Variants in KAT2B observed in about 807,000 individuals in gnomAD.
The protein encoded by KAT2B is histone acetyltransferase KAT2B.
A neutral mutation model predicts 105.9 loss-of-function variants in KAT2B; 36 were observed. The observed-to-expected ratio is 0.34, with a 90% CI of 0.26 to 0.45. The LOEUF (loss-of-function observed/expected upper bound fraction) is 0.45, where lower values mean the gene tolerates loss of function less well. Among genes scored for constraint, KAT2B ranks in the 20% least tolerant of loss-of-function variants. The pLI, the probability that KAT2B is intolerant of heterozygous loss-of-function variation, is 1.00. For synonymous variants in KAT2B, 397 were observed against 377.9 expected (o/e 1.05, Z -0.59); for missense variants, 820 against 1,021.6 (o/e 0.80, Z 2.69).
chr3:20,144,380 CTGG>C (rs1354134769), intron 13 of KAT2B, among the ~76,000 whole-genome samples: 1 of 145,196 alleles, frequency 6.9e-6, no homozygotes, highest in African/African-American at 2.6e-5. Flanking sequence ...GCTCTGCCTC[CTGG>C]GTTCGCACCA....
At chr3:20,062,125 T>TATATAAAATATATA (rs1698128598) in intron 1 of KAT2B, among the ~76,000 whole-genome samples, 1 of 73,958 alleles carries the variant, frequency 1.4e-5, no homozygotes, top group Non-Finnish European at 2.3e-5. Context: ...ATAAAACATA[T>TATATAAAATATATA]ATATATAAAA....
At chr3:20,116,782 T>C (rs1258588643) in intron 7 of KAT2B, among the ~76,000 whole-genome samples, 3 of 152,186 alleles carry the variant, frequency 2.0e-5, no homozygotes, top group Non-Finnish European at 4.4e-5. Flanking sequence ...GTTGGAATTA[T>C]GATCTCCTTT....
In KAT2B at chr3:20,111,542, T is replaced by C. The variant is rs914600476; in HGVS notation, c.852-54T>C. ...CGAGATAAACATAATTGAATATTTCTGATGACCTGGGGGTTTATGGGATAT... is the reference window on the plus strand; with the variant it reads ...CGAGATAAACATAATTGAATATTTCCGATGACCTGGGGGTTTATGGGATAT... On this transcript the variant is annotated intron_variant, in intron 5 of 17. Transcript: ENST00000263754. The C allele has an allele frequency of 4.5e-5, 62 of 1,391,924 alleles. 1 individual carries two copies. The highest frequency in any genetic ancestry group is 5.7e-5 in the Non-Finnish European group (58 of 1,014,906). 86.2% of individuals were successfully genotyped at this position (1,391,924 alleles called of 1,614,324 possible).
chr3:20,047,606 C>CTTTTTTTTTTTT (rs35457765), intron 1 of KAT2B, among the ~76,000 whole-genome samples: 1 of 117,874 alleles, frequency 8.5e-6, no homozygotes, highest in Non-Finnish European at 1.7e-5. Context: ...CCGTGAGTAC[C>CTTTTTTTTTTTT]TTTTTTTTTT....
Position 20,152,363 on chromosome 3 carries a change from T to A in KAT2B, c.2337T>A (p.Asn779Lys). 1 of 1,613,260 alleles carries A rather than the reference T, an allele frequency of 6.2e-7. No individual in the cohort carries two copies. Among genetic ancestry groups the A allele is most frequent in the South Asian group, 1.1e-5 (1 of 91,022 alleles). The change falls in exon 18 of 18, where the codon AAT becomes AAA. Residue 779 changes from asparagine to lysine, a missense_variant. Physicochemically the swap from Asn to Lys is moderately conservative, Grantham distance 94. Coordinates refer to ENST00000263754, the MANE Select transcript of KAT2B (RefSeq NM_003884.5). ...DLKTMSERLK[N>K]RYYVSKKLFM... ...AAACCATGAGTGAACGCCTCAAGAA[T>A]AGGTACTACGTGTCTAAGAAATTAT...
At chr3:20,086,524 T>C (rs980232837) in intron 2 of KAT2B, among the ~76,000 whole-genome samples, 24 of 151,858 alleles carry the variant, frequency 1.6e-4, no homozygotes, top group Non-Finnish European at 5.9e-5. Context: ...TCGCTTAAGC[T>C]CAGGAGGTCA....
intron 1 of KAT2B, among the ~76,000 whole-genome samples, chr3:20,062,013 TTA>T (rs1294226502): frequency 0.015 from 1,081 of 70,168 alleles, 41 homozygotes; most frequent in Non-Finnish European, 0.029. Context: ...ATAATATATA[TTA>T]TATATAAAAC....
intron 2 of KAT2B, among the ~76,000 whole-genome samples, chr3:20,077,038 G>A (rs1185434566): frequency 1.3e-5 from 2 of 152,186 alleles, no homozygotes. Context: ...CTGTGGTTTT[G>A]TGTAGTCTCC....
intron 1 of KAT2B, among the ~76,000 whole-genome samples, chr3:20,050,566 T>C (rs1559510312): frequency 6.6e-6 from 1 of 152,232 alleles, no homozygotes; most frequent in Non-Finnish European, 1.5e-5. Flanking sequence ...TCACTCAACA[T>C]TATGTCTGTC....
intron 11 of KAT2B, 39 bp from the exon 12 acceptor site, chr3:20,136,903 C>T (rs1190945713): frequency 3.7e-6 from 4 of 1,088,068 alleles, no homozygotes; most frequent in African/African-American, 3.1e-5. Flanking sequence ...TTTTTCTCCC[C>T]AGTCTAATGT....
intron 2 of KAT2B, among the ~76,000 whole-genome samples, chr3:20,086,047 G>A (rs1043328723): frequency 3.3e-5 from 5 of 152,008 alleles, no homozygotes; most frequent in African/African-American, 1.2e-4. Flanking sequence ...ACAGTGGATG[G>A]ATCGCTTGAG....
chr3:20,148,137 G>C (rs1699809513), intron 15 of KAT2B, 106 bp from the exon 16 acceptor site: 1 of 1,352,190 alleles, frequency 7.4e-7, no homozygotes, highest in African/African-American at 1.5e-5. Flanking sequence ...AAACATTCTG[G>C]AATGGTTCCA....
chr3:20,106,940 A>G, intron 5 of KAT2B, among the ~76,000 whole-genome samples: 1 of 128,640 alleles, frequency 7.8e-6, no homozygotes. Flanking sequence ...TAGATATAAG[A>G]AATTATTCTG....
chr3:20,059,178 TGAG>T (rs1698052998), intron 1 of KAT2B, among the ~76,000 whole-genome samples: 1 of 151,078 alleles, frequency 6.6e-6, no homozygotes, highest in Admixed American at 6.6e-5. Context: ...TTTGGGAGGC[TGAG>T]GTGGGCAGAT....
rs1313208199 is a variant in KAT2B, at chr3:20,148,484, A to C, written c.2302A>C (p.Met768Leu). The C allele has an allele frequency of 6.3e-7, 1 of 1,585,288 alleles. No homozygotes were observed. Among genetic ancestry groups the C allele is most frequent in the East Asian group, 2.2e-5 (1 of 44,788 alleles). Residue 768 changes from methionine (M) to leucine (L), a missense_variant, in exon 17 of 18, where the codon ATG becomes CTG. This residue lies in a region of KAT2B where 227 missense variants were observed against 292.9 expected (regional missense o/e 0.77). Transcript: ENST00000263754. ...ATATTATGAAGTTATAAGGTTCCCC[A>C]TGGGTAATACCATTAACATTTTCTA... ...PGYYEVIRFPMDLKTMSERLK... is the reference protein window; with the variant it reads ...PGYYEVIRFPLDLKTMSERLK...
chr3:20,045,001 T>A (rs530738453), intron 1 of KAT2B, among the ~76,000 whole-genome samples: 226 of 152,242 alleles, frequency 1.5e-3, no homozygotes, highest in African/African-American at 5.1e-3. Context: ...CAGATATTGA[T>A]AGGATTGGGT....
At chr3:20,112,820 T>A (rs1052025512) in intron 6 of KAT2B, among the ~76,000 whole-genome samples, 24 of 152,226 alleles carry the variant, frequency 1.6e-4, no homozygotes, top group African/African-American at 5.5e-4. Flanking sequence ...CAGATAGTGT[T>A]ATTAGATTAT....
chr3:20,046,990 A>G (rs751656107), intron 1 of KAT2B, among the ~76,000 whole-genome samples: 2 of 152,206 alleles, frequency 1.3e-5, no homozygotes, highest in African/African-American at 4.8e-5. Flanking sequence ...AAATATTAAT[A>G]GAATTAACAG....
intron 5 of KAT2B, among the ~76,000 whole-genome samples, chr3:20,107,662 A>G (rs929327122): frequency 5.1e-4 from 77 of 150,744 alleles, no homozygotes; most frequent in Non-Finnish European, 3.0e-5. Flanking sequence ...GTCTCAAAAA[A>G]AAAAAAAAAA....
Sources: allele counts gnomAD v4.1 joint callset (sites outside exome capture counted in the v4.1 genomes callset), GRCh38; gene constraint gnomAD v4.1.1; regional missense constraint gnomAD v4.1.1; transcripts MANE v1.5; gene names NCBI Gene and HGNC (gene_info 2026-07-23, HGNC 2026-07-21).